The following F8 variants were observed in gnomAD, a reference collection of about 807,000 sequenced individuals.
F8 encodes coagulation factor VIII, also known as antihemophilic factor.
In F8, 12 loss-of-function variants were observed where a neutral mutation model predicts 140.6. That is an observed-to-expected ratio of 0.09 (90% CI 0.05 to 0.14). F8 has a LOEUF of 0.14. Ranked by LOEUF, F8 falls within the 10% of genes least tolerant of loss-of-function variation. F8 has a pLI of 1.00. For missense variants in F8, 1,354 were observed against 1,720.7 expected, an observed-to-expected ratio of 0.79 and a Z score of 3.77; for synonymous variants, 585 against 614.6, an observed-to-expected ratio of 0.95 and a Z score of 0.71.
At chrX:154,951,729 C>T (rs1309602036) in intron 12 of F8, among the ~76,000 whole-genome samples, 3 of 110,161 alleles carry the variant, frequency 2.7e-5, no homozygotes, top group African/African-American at 9.9e-5. Flanking sequence ...GCATCTTTCT[C>T]CCTGGACTCT....
At chrX:154,849,230 C>G (rs924439133) in intron 25 of F8, among the ~76,000 whole-genome samples, 12 of 110,404 alleles carry the variant, frequency 1.1e-4, no homozygotes, top group African/African-American at 4.0e-4. Flanking sequence ...CCTGCCTCGG[C>G]CTCCCAAAGT....
chrX:155,009,151 G>A (rs1463601197), intron 1 of F8, among the ~76,000 whole-genome samples: 1 of 107,432 alleles, frequency 9.3e-6, no homozygotes, highest in Non-Finnish European at 1.9e-5. Flanking sequence ...CTGCAGTGGC[G>A]CAATCTCGGC....
At chrX:154,862,977 G>C in intron 23 of F8, 106 bp downstream of exon 23, 1 of 914,972 alleles carries the variant, frequency 1.1e-6, no homozygotes, top group Non-Finnish European at 1.6e-6. Flanking sequence ...TGACAATTTT[G>C]TGTCCTGATA....
chrX:154,870,258 G>C (rs1297895756), intron 22 of F8, among the ~76,000 whole-genome samples: 3 of 112,066 alleles, frequency 2.7e-5, no homozygotes, highest in African/African-American at 9.7e-5. Flanking sequence ...GAAAATTTCA[G>C]GCCAATATCC....
intron 22 of F8, among the ~76,000 whole-genome samples, chrX:154,890,171 G>T (rs1337633477): frequency 1.1e-5 from 1 of 92,221 alleles, no homozygotes; most frequent in Non-Finnish European, 2.1e-5. Flanking sequence ...AGTCTTCTTT[G>T]TTTCTTTGTA....
rs137852473 is a variant in F8 at position 154,837,686 on chromosome X, G to A, written c.6967C>T (p.Arg2323Cys). 2 of 1,209,520 alleles carry A rather than the reference G, an allele frequency of 1.7e-6. No homozygotes were observed. Among genetic ancestry groups the A allele is most frequent in the African/African-American group, 1.7e-5 (1 of 57,193 alleles). Residue 2323 changes from arginine to cysteine, a missense_variant, in exon 26 of 26, where the codon CGC becomes TGC. By Grantham distance (180) the Arg-to-Cys change is radical. Transcript: ENST00000360256. ...VNSLDPPLLT[R>C]YLRIHPQSWV... ...CTCTGGGGGTGAATTCGAAGGTAGC[G>A]AGTCAGTAACGGTGGGTCTAGAGAG... is the stretch of plus-strand genomic sequence containing the variant.
intron 25 of F8, among the ~76,000 whole-genome samples, chrX:154,839,544 A>G (rs1414365091): frequency 9.1e-6 from 1 of 109,376 alleles, no homozygotes; most frequent in African/African-American, 3.3e-5. Flanking sequence ...TTGTATTTTT[A>G]GTAGAGATGG....
At chrX:155,013,401 A>G (rs2073719028) in intron 1 of F8, among the ~76,000 whole-genome samples, 1 of 111,057 alleles carries the variant, frequency 9.0e-6, no homozygotes, top group African/African-American at 3.3e-5. Context: ...CCACCATGCC[A>G]TATAAGATGT....
At chrX:154,958,492 G>A (rs1479189390) in intron 10 of F8, among the ~76,000 whole-genome samples, 4 of 111,741 alleles carry the variant, frequency 3.6e-5, no homozygotes, top group Non-Finnish European at 7.5e-5. Flanking sequence ...AACTATCCAC[G>A]TATGCCTCCA....
intron 22 of F8, among the ~76,000 whole-genome samples, chrX:154,865,242 C>T (rs782246124): frequency 5.4e-5 from 6 of 110,644 alleles, no homozygotes; most frequent in Non-Finnish European, 1.1e-4. Flanking sequence ...AAAAACTGTC[C>T]TTTAAGAATG....
chrX:154,850,419 C>T (rs782322722), intron 25 of F8, among the ~76,000 whole-genome samples: 8 of 109,604 alleles, frequency 7.3e-5, no homozygotes, highest in Non-Finnish European at 9.5e-5. Context: ...TGAGTTACCA[C>T]GCCTGGCCAG....
intron 25 of F8, among the ~76,000 whole-genome samples, chrX:154,851,620 A>G (rs1344929046): frequency 9.0e-6 from 1 of 110,670 alleles, no homozygotes; most frequent in Non-Finnish European, 1.9e-5. Flanking sequence ...TTGAAATGCT[A>G]TCTCATTGTG....
At chrX:154,838,948 A>G (rs1404325294) in intron 25 of F8, among the ~76,000 whole-genome samples, 1 of 9,111 alleles carries the variant, frequency 1.1e-4, no homozygotes, top group Non-Finnish European at 2.1e-4. Flanking sequence ...CACCCCCCCA[A>G]GAGATGCCAA....
intron 14 of F8, among the ~76,000 whole-genome samples, chrX:154,910,409 C>T (rs1240925111): frequency 1.5e-4 from 14 of 91,550 alleles, no homozygotes; most frequent in Admixed American, 1.0e-3. Flanking sequence ...CATCACACAC[C>T]GGGGCCTGTC....
chrX:154,950,032 T>C (rs1284803244), intron 12 of F8, among the ~76,000 whole-genome samples: 1 of 112,113 alleles, frequency 8.9e-6, no homozygotes, highest in Non-Finnish European at 1.9e-5. Context: ...CCCAAAATGC[T>C]GGGATTACAG....
intron 25 of F8, among the ~76,000 whole-genome samples, chrX:154,843,969 A>G (rs910885221): frequency 1.3e-4 from 14 of 111,448 alleles, no homozygotes; most frequent in Non-Finnish European, 1.7e-4. Context: ...ATTTTTGTAT[A>G]AGGTGTAAGG....
At chrX:154,872,232 A>G (rs1314020738) in intron 22 of F8, among the ~76,000 whole-genome samples, 1 of 111,981 alleles carries the variant, frequency 8.9e-6, no homozygotes, top group African/African-American at 3.2e-5. Context: ...TCATTCTACA[A>G]TAAAGACACA....
intron 22 of F8, among the ~76,000 whole-genome samples, chrX:154,866,007 C>A (rs1490757348): frequency 9.0e-6 from 1 of 111,185 alleles, no homozygotes; most frequent in Non-Finnish European, 1.9e-5. Flanking sequence ...ATAACAGACT[C>A]ACTTTTGATT....
intron 14 of F8, chrX:154,909,354 T>A (rs1434645125): frequency 8.2e-6 from 1 of 121,626 alleles, no homozygotes; most frequent in Non-Finnish European, 1.7e-5. Flanking sequence ...CTTCAAGCGG[T>A]GTGCTACACT....
Sources: gnomAD v4.1 joint callset for allele counts (sites outside exome capture counted in the v4.1 genomes callset) on GRCh38, gnomAD v4.1.1 for gene constraint, MANE v1.5 for transcripts, NCBI Gene and HGNC (gene_info 2026-07-23, HGNC 2026-07-21) for gene names.